Variants in GRIN2B observed in about 807,000 individuals in gnomAD.
The protein encoded by GRIN2B is glutamate ionotropic receptor NMDA type subunit 2B, also known as glutamate receptor ionotropic, NMDA 2B.
Under a neutral mutation model 114.5 loss-of-function variants are expected in GRIN2B, and 5 were observed. The ratio of observed to expected loss-of-function variants is 0.04; its 90% CI spans 0.02 to 0.09. GRIN2B has a LOEUF of 0.09. Ranked by LOEUF, GRIN2B falls within the 10% of genes least tolerant of loss-of-function variation. GRIN2B has a pLI of 1.00. For missense variants in GRIN2B, 1,108 were observed against 1,943.5 expected, an observed-to-expected ratio of 0.57 and a Z score of 8.08; for synonymous variants, 787 against 745.1, an observed-to-expected ratio of 1.06 and a Z score of -0.92.
At position 13,753,081 on chromosome 12, in the gene GRIN2B, T is replaced by G. The variant is rs1863512549; in HGVS notation, c.1010+236A>C. On this transcript the variant is annotated intron_variant, in intron 4 of 13. Coordinates refer to ENST00000609686, the MANE Select transcript of GRIN2B (RefSeq NM_000834.5). This position sits in a 1 kb window ranked among gnomAD's most constrained non-coding sequence, Gnocchi z 6.2. Reference sequence around the variant, plus strand: ...TTTGAGGATCAAATGAAACCAAACATGCAAAACCCTTAGAGTAACATCTAA... The same window carrying G: ...TTTGAGGATCAAATGAAACCAAACAGGCAAAACCCTTAGAGTAACATCTAA... Among the ~76,000 whole-genome samples, 1 of 152,216 alleles carries G rather than the reference T, an allele frequency of 6.6e-6. No homozygotes were observed. The highest frequency in any genetic ancestry group is 1.5e-5 in the Non-Finnish European group (1 of 68,052).
At chr12:13,936,147 A>T (rs1463137156) in intron 2 of GRIN2B, among the ~76,000 whole-genome samples, 2 of 152,174 alleles carry the variant, frequency 1.3e-5, no homozygotes, top group South Asian at 2.1e-4. Context: ...GGGCTGAGTT[A>T]TACATGCGCA....
intron 2 of GRIN2B, among the ~76,000 whole-genome samples, chr12:13,910,086 T>G (rs1409243393): frequency 1.3e-5 from 2 of 152,232 alleles, no homozygotes; most frequent in African/African-American, 4.8e-5. Flanking sequence ...AAATTTAATC[T>G]TAGCCAAATT....
chr12:13,839,900 A>T (rs1865348336), intron 3 of GRIN2B, among the ~76,000 whole-genome samples: 1 of 149,062 alleles, frequency 6.7e-6, no homozygotes, highest in Non-Finnish European at 1.5e-5. Flanking sequence ...CAATGGACAT[A>T]AAAAAATCTC....
chr12:13,826,233 G>A (rs1865032857), intron 3 of GRIN2B, among the ~76,000 whole-genome samples: 1 of 152,100 alleles, frequency 6.6e-6, no homozygotes. Flanking sequence ...CACTTTGGGA[G>A]GCCGAGGTGG....
chr12:13,886,170 C>T (rs990476228), intron 2 of GRIN2B, among the ~76,000 whole-genome samples: 12 of 152,162 alleles, frequency 7.9e-5, no homozygotes, highest in African/African-American at 2.9e-4. Context: ...GATCAGTTCA[C>T]ACCGTGTTGT....
chr12:13,908,198 G>A (rs1264978818), intron 2 of GRIN2B, among the ~76,000 whole-genome samples: 2 of 150,858 alleles, frequency 1.3e-5, no homozygotes, highest in African/African-American at 4.9e-5. Flanking sequence ...AGAAAAAACT[G>A]AGAAAATCAC....
At chr12:13,730,904 T>C (rs1158150643) in intron 4 of GRIN2B, among the ~76,000 whole-genome samples, 1 of 152,188 alleles carries the variant, frequency 6.6e-6, no homozygotes, top group Non-Finnish European at 1.5e-5. Context: ...TTTCCTTTCT[T>C]AAAATGGTTA....
At chr12:13,713,619 C>G (rs1346512044) in intron 4 of GRIN2B, among the ~76,000 whole-genome samples, 1 of 151,892 alleles carries the variant, frequency 6.6e-6, no homozygotes, top group Admixed American at 6.6e-5. Context: ...ATACGTCATT[C>G]CACATGTGAA....
chr12:13,569,024 C>T (rs1172089983), intron 12 of GRIN2B, among the ~76,000 whole-genome samples: 2 of 152,172 alleles, frequency 1.3e-5, no homozygotes, highest in East Asian at 3.9e-4. Context: ...CCTCTGGGCA[C>T]ATAAAGAGCA....
rs111960511 is a variant in GRIN2B, at chr12:13,690,084, G to A, written c.1011-14225C>T. The stretch of plus-strand genomic sequence containing the variant: ...TACTTGTCTGTATCTTGTCTTCCAT[G>A]ATAGACAACATACTATTTAAAGGTA... On this transcript the variant is annotated intron_variant, in intron 4 of 13. Coordinates refer to ENST00000609686, the MANE Select transcript of GRIN2B (RefSeq NM_000834.5). Among the ~76,000 whole-genome samples the A allele has an allele frequency of 5.2e-3, 784 of 152,128 alleles. 12 individuals are homozygous for A. The highest frequency in any genetic ancestry group is 0.017 in the African/African-American group (726 of 41,496).
chr12:13,871,460 A>G (rs911895973), intron 2 of GRIN2B, among the ~76,000 whole-genome samples: 1 of 152,084 alleles, frequency 6.6e-6, no homozygotes, highest in Non-Finnish European at 1.5e-5. Flanking sequence ...TTTGAACAGA[A>G]TAACAATAAA....
At chr12:13,712,407 ATAT>A (rs1950423014) in intron 4 of GRIN2B, among the ~76,000 whole-genome samples, 1 of 151,822 alleles carries the variant, frequency 6.6e-6, no homozygotes. Flanking sequence ...AAAATAAAAT[ATAT>A]TATTAATGAA....
At chr12:13,966,115 G>A (rs2136867114) in intron 2 of GRIN2B, among the ~76,000 whole-genome samples, 1 of 152,276 alleles carries the variant, frequency 6.6e-6, no homozygotes, top group East Asian at 1.9e-4. Context: ...AATCATTAGA[G>A]CACTTTATAT....
intron 2 of GRIN2B, among the ~76,000 whole-genome samples, chr12:13,928,037 C>T (rs574064847): frequency 1.7e-4 from 24 of 144,648 alleles, no homozygotes; most frequent in Admixed American, 1.4e-4. Context: ...GGAGGCCAGG[C>T]GCAGTGGCAC....
At chr12:13,759,869 G>C (rs986201719) in intron 3 of GRIN2B, among the ~76,000 whole-genome samples, 9 of 152,196 alleles carry the variant, frequency 5.9e-5, no homozygotes, top group Admixed American at 2.0e-4. Context: ...TTGGGTCCCA[G>C]GCCCTCACTC....
At position 13,713,028 on chromosome 12, in the gene GRIN2B, C is replaced by T. The variant is rs111486597; in HGVS notation, c.1011-37169G>A. Among the ~76,000 whole-genome samples, 489 of 151,912 alleles carry T rather than the reference C, an allele frequency of 3.2e-3. 6 individuals carry two copies. Among genetic ancestry groups the T allele is most frequent in the African/African-American group, 0.011 (461 of 41,486 alleles). On this transcript the variant is annotated intron_variant, in intron 4 of 13. Transcript: ENST00000609686. ...CAAGATAGATAGCATTTAGTCCCTC[C>T]TTCAATATGCTTACCACCAAGCATA...
intron 3 of GRIN2B, among the ~76,000 whole-genome samples, chr12:13,822,703 AC>A (rs1270360631): frequency 6.6e-6 from 1 of 152,144 alleles, no homozygotes; most frequent in African/African-American, 2.4e-5. Context: ...TGGTTAAGCA[AC>A]AAACATTTAG....
chr12:13,788,862 C>T (rs982046392), intron 3 of GRIN2B, among the ~76,000 whole-genome samples: 2 of 152,172 alleles, frequency 1.3e-5, no homozygotes, highest in Admixed American at 1.3e-4. Context: ...GGAAGACCTG[C>T]CTTGGCCTGA....
intron 5 of GRIN2B, among the ~76,000 whole-genome samples, chr12:13,621,625 T>TTTTTTG (rs1949517665): frequency 7.3e-6 from 1 of 137,212 alleles, no homozygotes; most frequent in African/African-American, 2.8e-5. Context: ...TTTTTTTTTT[T>TTTTTTG]TTTTTTTTTT....
Sources: allele counts gnomAD v4.1 joint callset (sites outside exome capture counted in the v4.1 genomes callset), GRCh38; gene constraint gnomAD v4.1.1; non-coding constraint Gnocchi (gnomAD v3.1); transcripts MANE v1.5; gene names NCBI Gene and HGNC (gene_info 2026-07-23, HGNC 2026-07-21).